The following LAMA3 variants were observed in gnomAD, a reference collection of about 807,000 sequenced individuals.
The protein encoded by LAMA3 is laminin subunit alpha-3.
LAMA3 carries 281 observed loss-of-function variants against 402.0 expected under a neutral mutation model. The ratio of observed to expected loss-of-function variants is 0.70; its 90% CI spans 0.63 to 0.77. The LOEUF (loss-of-function observed/expected upper bound fraction) is 0.77. LAMA3 is among the 30% of genes least tolerant of loss of function. LAMA3 has a pLI of 0.00. For missense variants in LAMA3, 3,840 were observed against 4,215.5 expected (o/e 0.91, Z 2.47); for synonymous variants, 1,431 against 1,558.4 (o/e 0.92, Z 1.93).
chr18:23,819,460 A>G (rs1006904632), intron 18 of LAMA3, among the ~76,000 whole-genome samples: 25 of 152,334 alleles, frequency 1.6e-4, no homozygotes, highest in Middle Eastern at 3.4e-3. Context: ...CATAGACATT[A>G]ATATTTATGT....
chr18:23,947,166 A>G (rs575059570), intron 70 of LAMA3, among the ~76,000 whole-genome samples: 358 of 152,264 alleles, frequency 2.4e-3, no homozygotes, highest in Non-Finnish European at 3.6e-3. Context: ...TGATGGGGCC[A>G]CAGCTCCAGG....
chr18:23,898,923 T>A, intron 45 of LAMA3, 31 bp from the exon 46 acceptor site: 1 of 1,592,332 alleles, frequency 6.3e-7, no homozygotes, highest in Non-Finnish European at 8.6e-7. Flanking sequence ...ATTGACTTAA[T>A]TTGCTGCTAA....
chr18:23,833,678 T>C, intron 23 of LAMA3, 150 bp from the exon 24 acceptor site: 2 of 786,636 alleles, frequency 2.5e-6, no homozygotes, highest in Non-Finnish European at 4.3e-6. Flanking sequence ...ATCTGGCATC[T>C]CAACCTGTAG....
At chr18:23,739,488 A>G (rs1598688987) in intron 2 of LAMA3, among the ~76,000 whole-genome samples, 2 of 152,350 alleles carry the variant, frequency 1.3e-5, no homozygotes, top group East Asian at 3.9e-4. Context: ...TGACATGAGT[A>G]AGGGCATTGG....
In LAMA3 at chr18:23,920,967, C is replaced by G. The variant is rs201380754; in HGVS notation, c.7956C>G (p.Gly2652=). ...TCATATCTCTAAATATAGAAGATGGCAAGCTCATGGTGAGATACAAACTGA... is the reference window on the plus strand; with the variant it reads ...TCATATCTCTAAATATAGAAGATGGGAAGCTCATGGTGAGATACAAACTGA... The part of the protein sequence containing the change: ...DRFISLNIED[G]KLMVRYKLNS... Residue 2652 remains glycine, a synonymous_variant, in exon 61 of 75, where the codon GGC becomes GGG. Coordinates refer to ENST00000313654, the MANE Select transcript of LAMA3 (RefSeq NM_198129.4). The G allele has an allele frequency of 6.2e-7, 1 of 1,613,916 alleles. No individual in the cohort carries two copies. The highest frequency in any genetic ancestry group is 8.5e-7 in the Non-Finnish European group (1 of 1,179,864).
chr18:23,934,151 A>G (rs1440703191), intron 67 of LAMA3, among the ~76,000 whole-genome samples: 4 of 152,180 alleles, frequency 2.6e-5, no homozygotes, highest in Non-Finnish European at 5.9e-5. Context: ...TTTTGCACTC[A>G]CAGAACAGAA....
intron 8 of LAMA3, 102 bp from the exon 9 acceptor site, chr18:23,773,395 C>A: frequency 1.3e-6 from 1 of 797,124 alleles, no homozygotes; most frequent in Non-Finnish European, 2.2e-6. Flanking sequence ...TTCAAAATTA[C>A]AATTGTATAT....
Position 23,921,519 on chromosome 18 carries a change from T to A in LAMA3, c.8111T>A (p.Ile2704Asn), listed in dbSNP as rs758209520. 9 of 1,613,648 alleles carry A rather than the reference T, an allele frequency of 5.6e-6. No individual in the cohort carries two copies. The highest frequency in any genetic ancestry group is 7.6e-6 in the Non-Finnish European group (9 of 1,179,594). Reference protein sequence around the residue: ...WINVDVQNTIIDGEVFDFSTY... With the variant: ...WINVDVQNTINDGEVFDFSTY... The stretch of plus-strand genomic sequence containing the variant: ...AATGTGGACGTTCAAAACACTATAA[T>A]TGATGGTGAAGTATTTGATTTCAGC... The change falls in exon 62 of 75, where the codon ATT (isoleucine) becomes AAT (asparagine). Residue 2704 changes from isoleucine (I) to asparagine (N), a missense_variant. Physicochemically the swap from Ile to Asn is moderately radical, Grantham distance 149. This residue lies in a region of LAMA3 where 840 missense variants were observed against 981.9 expected (regional missense o/e 0.86). Transcript: ENST00000313654.
chr18:23,932,075 G>GTT, intron 65 of LAMA3, 85 bp from the exon 66 acceptor site: 30 of 1,482,068 alleles, frequency 2.0e-5, no homozygotes, highest in Non-Finnish European at 2.8e-5. Flanking sequence ...TATTGAATCT[G>GTT]AGTCTTAGAC....
chr18:23,880,606 C>T lies in LAMA3; in HGVS notation c.5113-1330C>T, dbSNP rs117873630. ...AAAAACTCACACTCATGGCTGGGCGCGATGGCTCATGCCTATAATCCCAGC... is the reference window on the plus strand; with the variant it reads ...AAAAACTCACACTCATGGCTGGGCGTGATGGCTCATGCCTATAATCCCAGC... On this transcript the variant is annotated intron_variant, in intron 39 of 74. Coordinates refer to ENST00000313654, the MANE Select transcript of LAMA3 (RefSeq NM_198129.4). Among the ~76,000 whole-genome samples the T allele has an allele frequency of 8.1e-3, 1,239 of 152,302 alleles. 6 individuals are homozygous for T. The highest frequency in any genetic ancestry group is 0.012 in the Non-Finnish European group (825 of 68,032).
At chr18:23,856,728 A>T (rs1463412930) in intron 32 of LAMA3, among the ~76,000 whole-genome samples, 1 of 152,108 alleles carries the variant, frequency 6.6e-6, no homozygotes, top group African/African-American at 2.4e-5. Flanking sequence ...AACAAGGGAC[A>T]TTAAGATCCA....
chr18:23,741,256 G>C (rs763959153), intron 2 of LAMA3, among the ~76,000 whole-genome samples: 25 of 152,134 alleles, frequency 1.6e-4, no homozygotes, highest in South Asian at 8.3e-4. Context: ...GCCAGGGCCT[G>C]AGTTTTTCAG....
Position 23,877,811 on chromosome 18 carries a change from A to G in LAMA3, c.5112+1404A>G, listed in dbSNP as rs539407368. ...TTTGTGTAACACGAGTAGATGCTTT[A>G]ATTAAGAATAAATACGTTGGCCGGG... On this transcript the variant is annotated intron_variant, in intron 39 of 74. Transcript: ENST00000313654. 9.2e-5 allele frequency among the ~76,000 whole-genome samples: 14 copies of G among 152,302 alleles called. No homozygotes were observed. In the East Asian group the frequency reaches 2.3e-3, roughly 25 times the overall value.
intron 1 of LAMA3, among the ~76,000 whole-genome samples, chr18:23,698,035 T>A (rs2060716014): frequency 6.6e-6 from 1 of 151,544 alleles, no homozygotes; most frequent in Non-Finnish European, 1.5e-5. Flanking sequence ...CCTGCCATAA[T>A]GACTTCATTT....
chr18:23,722,929 T>C (rs1418958569), intron 2 of LAMA3, among the ~76,000 whole-genome samples: 3 of 152,130 alleles, frequency 2.0e-5, no homozygotes, highest in Admixed American at 2.0e-4. Context: ...ATCTTTCTCA[T>C]CATGAAGGGT....
chr18:23,712,108 C>T (rs1305652098), intron 1 of LAMA3, among the ~76,000 whole-genome samples: 6 of 152,114 alleles, frequency 3.9e-5, no homozygotes, highest in East Asian at 1.9e-4. Context: ...TAGCTGGGTG[C>T]GGTGGCTAAT....
intron 68 of LAMA3, among the ~76,000 whole-genome samples, chr18:23,941,876 G>T (rs1253799570): frequency 6.6e-6 from 1 of 152,144 alleles, no homozygotes; most frequent in African/African-American, 2.4e-5. Flanking sequence ...ATTCTATTCT[G>T]CAGCACGTTC....
intron 11 of LAMA3, among the ~76,000 whole-genome samples, chr18:23,782,050 C>T (rs1000347826): frequency 7.2e-5 from 11 of 152,022 alleles, no homozygotes; most frequent in South Asian, 2.1e-4. Flanking sequence ...TAGTTACTAA[C>T]GTTTTATTTG....
chr18:23,827,429 C>T lies in LAMA3; in HGVS notation c.2785C>T (p.Pro929Ser), dbSNP rs1010529395. 2.5e-6 allele frequency: 4 copies of T among 1,614,014 alleles called. No individual in the cohort carries two copies. In the African/African-American group the frequency reaches 5.3e-5, roughly 22 times the overall value. ...PRPVAVRQPT[P>S]AHPVMVDLSG... ...ACCCGTGGCAGTGAGGCAGCCCACA[C>T]CTGCACACCCTGTCATGGTGGACCT... Residue 929 changes from proline (P) to serine (S), a missense_variant, in exon 23 of 75, where the codon CCT becomes TCT. By Grantham distance (74) the Pro-to-Ser change is moderately conservative (BLOSUM62 -1). Transcript: ENST00000313654.
Sources: allele counts gnomAD v4.1 joint callset (sites outside exome capture counted in the v4.1 genomes callset), GRCh38; gene constraint gnomAD v4.1.1; regional missense constraint gnomAD v4.1.1; transcripts MANE v1.5; gene names NCBI Gene and HGNC (gene_info 2026-07-23, HGNC 2026-07-21).